Variants in TRPM3 observed in about 807,000 individuals in gnomAD.
TRPM3 encodes the protein transient receptor potential cation channel subfamily M member 3.
In TRPM3, 77 loss-of-function variants were observed where a neutral mutation model predicts 181.2. The ratio of observed to expected loss-of-function variants is 0.42; its 90% CI spans 0.35 to 0.51. The LOEUF (loss-of-function observed/expected upper bound fraction) is 0.51, where lower values mean the gene tolerates loss of function less well. Ranked by LOEUF, TRPM3 falls within the 20% of genes least tolerant of loss-of-function variation. TRPM3 has a pLI of 0.01. For synonymous variants in TRPM3, 745 were observed against 796.4 expected (o/e 0.94, Z 1.09); for missense variants, 1,759 against 2,196.7 (o/e 0.80, Z 3.98).
intron 12 of TRPM3, among the ~76,000 whole-genome samples, chr9:70,629,109 G>GGCAA (rs1198586558): frequency 2.0e-5 from 3 of 150,350 alleles, no homozygotes; most frequent in African/African-American, 7.4e-5. Flanking sequence ...GGTATATATT[G>GGCAA]GCAAGCAAGC....
At chr9:71,345,043 C>T (rs1212870942) in intron 1 of TRPM3, among the ~76,000 whole-genome samples, 1 of 152,176 alleles carries the variant, frequency 6.6e-6, no homozygotes, top group Non-Finnish European at 1.5e-5. Context: ...CAATGAGATA[C>T]CATCTCATGC....
chr9:71,128,575 G>A (rs544765881), intron 1 of TRPM3, among the ~76,000 whole-genome samples: 1 of 152,144 alleles, frequency 6.6e-6, no homozygotes, highest in Admixed American at 6.5e-5. Flanking sequence ...TCTAAACTAA[G>A]TTTAAATATC....
At chr9:71,403,064 G>A (rs2093371216) in intron 1 of TRPM3, among the ~76,000 whole-genome samples, 1 of 152,112 alleles carries the variant, frequency 6.6e-6, no homozygotes, top group African/African-American at 2.4e-5. Context: ...GGTAATGAGT[G>A]GATAAAGGCT....
At chr9:71,089,870 T>G (rs913427352) in intron 1 of TRPM3, among the ~76,000 whole-genome samples, 3 of 152,100 alleles carry the variant, frequency 2.0e-5, no homozygotes, top group African/African-American at 7.2e-5. Context: ...GGGTGTCCAA[T>G]CTTTCAGCCT....
chr9:70,824,667 C>G (rs1368913028), intron 6 of TRPM3: 2 of 152,116 alleles, frequency 1.3e-5, no homozygotes, highest in Non-Finnish European at 2.9e-5. Flanking sequence ...ACATCGTGAT[C>G]CACCTGCCTC....
chr9:71,346,199 AGAAAT>A (rs1327257240), intron 1 of TRPM3, among the ~76,000 whole-genome samples: 5 of 152,266 alleles, frequency 3.3e-5, no homozygotes, highest in Admixed American at 3.3e-4. Context: ...AACAATAAAA[AGAAAT>A]GAATTATTGA....
At chr9:70,904,788 T>C (rs1377217146) in intron 1 of TRPM3, among the ~76,000 whole-genome samples, 2 of 152,220 alleles carry the variant, frequency 1.3e-5, no homozygotes, top group African/African-American at 4.8e-5. Context: ...ATAGAAAATA[T>C]TTTAAAAGAG....
At chr9:71,243,116 A>T (rs551845872) in intron 1 of TRPM3, among the ~76,000 whole-genome samples, 1 of 152,270 alleles carries the variant, frequency 6.6e-6, no homozygotes, top group South Asian at 2.1e-4. Context: ...ATCTCAGCTC[A>T]CTGCAACCTC....
intron 1 of TRPM3, among the ~76,000 whole-genome samples, chr9:71,341,314 G>A (rs970576862): frequency 6.6e-6 from 1 of 152,010 alleles, no homozygotes; most frequent in Non-Finnish European, 1.5e-5. Context: ...AATTACAACA[G>A]GAAAAAAGTA....
At chr9:71,178,051 T>A (rs935873821) in intron 1 of TRPM3, among the ~76,000 whole-genome samples, 1 of 152,080 alleles carries the variant, frequency 6.6e-6, no homozygotes, top group Non-Finnish European at 1.5e-5. Flanking sequence ...TAGTAGGTTT[T>A]AGGATTTTTT....
chr9:71,407,049 T>C (rs1199955225), intron 1 of TRPM3, among the ~76,000 whole-genome samples: 5 of 152,200 alleles, frequency 3.3e-5, no homozygotes, highest in Non-Finnish European at 5.9e-5. Flanking sequence ...TATTTTCTCC[T>C]AGATGGTTTT....
chr9:70,699,785 C>T (rs2071800950), intron 8 of TRPM3, among the ~76,000 whole-genome samples: 1 of 152,078 alleles, frequency 6.6e-6, no homozygotes, highest in African/African-American at 2.4e-5. Flanking sequence ...CTGCACCAGG[C>T]TTGAGATGAG....
At chr9:71,148,244 A>C (rs1039633288) in intron 1 of TRPM3, among the ~76,000 whole-genome samples, 8 of 152,208 alleles carry the variant, frequency 5.3e-5, no homozygotes, top group Non-Finnish European at 1.0e-4. Context: ...TAAAGTTATC[A>C]AATAATATTT....
At chr9:71,439,335 C>A (rs1337777693) in intron 1 of TRPM3, among the ~76,000 whole-genome samples, 1 of 152,232 alleles carries the variant, frequency 6.6e-6, no homozygotes, top group Non-Finnish European at 1.5e-5. Flanking sequence ...CAAGTCTAGT[C>A]AACACCAATA....
intron 1 of TRPM3, among the ~76,000 whole-genome samples, chr9:70,984,950 T>C (rs2097404200): frequency 6.6e-6 from 1 of 152,250 alleles, no homozygotes; most frequent in African/African-American, 2.4e-5. Flanking sequence ...TGAATCTTTG[T>C]CCTAGGTTCT....
chr9:71,118,217 T>G (rs1159543845), intron 1 of TRPM3, among the ~76,000 whole-genome samples: 1 of 152,182 alleles, frequency 6.6e-6, no homozygotes, highest in African/African-American at 2.4e-5. Context: ...GAAATTCATT[T>G]CCAAGTTTTA....
At chr9:70,636,527 A>G (rs2057227098) in intron 11 of TRPM3, among the ~76,000 whole-genome samples, 1 of 152,212 alleles carries the variant, frequency 6.6e-6, no homozygotes, top group Non-Finnish European at 1.5e-5. Context: ...ATTAAATTTG[A>G]ATTTCAGATA....
At chr9:71,286,970 ATATAAT>A (rs1588301251) in intron 1 of TRPM3, among the ~76,000 whole-genome samples, 1 of 124,982 alleles carries the variant, frequency 8.0e-6, no homozygotes, top group South Asian at 2.2e-4. Context: ...ATTATATATA[ATATAAT>A]TATATTATAT....
intron 17 of TRPM3, among the ~76,000 whole-genome samples, chr9:70,617,238 C>T (rs1036840264): frequency 5.3e-5 from 8 of 152,200 alleles, no homozygotes; most frequent in African/African-American, 1.7e-4. Flanking sequence ...TGAGAGCCAG[C>T]ATGACTCCCT....
Sources: gnomAD v4.1 joint callset for allele counts (sites outside exome capture counted in the v4.1 genomes callset) on GRCh38, gnomAD v4.1.1 for gene constraint, MANE v1.5 for transcripts, NCBI Gene and HGNC (gene_info 2026-07-23, HGNC 2026-07-21) for gene names.